Variants in FRMD4A observed in about 807,000 individuals in gnomAD.
FRMD4A encodes the protein FERM domain-containing protein 4A.
In FRMD4A, 29 loss-of-function variants were observed where a neutral mutation model predicts 129.1. The ratio of observed to expected loss-of-function variants is 0.22; its 90% CI spans 0.17 to 0.31. The LOEUF is 0.31. Ranked by LOEUF, FRMD4A falls within the 10% of genes least tolerant of loss-of-function variation. The pLI, the probability that FRMD4A is intolerant of heterozygous loss-of-function variation, is 1.00. For synonymous variants in FRMD4A, 634 were observed against 571.6 expected, an observed-to-expected ratio of 1.11 and a Z score of -1.56; for missense variants, 1,272 against 1,375.8, an observed-to-expected ratio of 0.92 and a Z score of 1.19.
At chr10:13,884,043 C>T (rs1413125770) in intron 2 of FRMD4A, among the ~76,000 whole-genome samples, 1 of 151,806 alleles carries the variant, frequency 6.6e-6, no homozygotes, top group Non-Finnish European at 1.5e-5. Flanking sequence ...ACTTCTCGAA[C>T]TACAAGGAAA....
At chr10:14,299,831 A>T (rs940806635) in intron 2 of FRMD4A, among the ~76,000 whole-genome samples, 1 of 152,170 alleles carries the variant, frequency 6.6e-6, no homozygotes, top group Non-Finnish European at 1.5e-5. Flanking sequence ...AGAATACAGT[A>T]TGTGTAGTTT....
At chr10:14,276,957 C>T (rs535267307) in intron 2 of FRMD4A, among the ~76,000 whole-genome samples, 96 of 152,244 alleles carry the variant, frequency 6.3e-4, no homozygotes, top group African/African-American at 2.0e-3. Flanking sequence ...CTCTGCCTCC[C>T]GGGTTCAAGC....
At chr10:13,767,029 C>G (rs371853659) in intron 6 of FRMD4A, among the ~76,000 whole-genome samples, 3 of 152,138 alleles carry the variant, frequency 2.0e-5, no homozygotes, top group African/African-American at 7.2e-5. Flanking sequence ...GCCGAGATAG[C>G]GCCACTGCAC....
At chr10:14,066,014 G>GTGTGTGTT (rs1835041647) in intron 2 of FRMD4A, among the ~76,000 whole-genome samples, 1 of 150,750 alleles carries the variant, frequency 6.6e-6, no homozygotes, top group East Asian at 2.0e-4. Flanking sequence ...GTATTTGTGT[G>GTGTGTGTT]TGTGTGTGTG....
intron 2 of FRMD4A, among the ~76,000 whole-genome samples, chr10:14,177,457 G>A (rs1841771114): frequency 6.6e-6 from 1 of 152,032 alleles, no homozygotes; most frequent in Non-Finnish European, 1.5e-5. Flanking sequence ...ATAGGTGTCA[G>A]CCACTGTGCC....
chr10:14,045,257 C>T (rs1472286491), intron 2 of FRMD4A, among the ~76,000 whole-genome samples: 1 of 152,152 alleles, frequency 6.6e-6, no homozygotes, highest in Non-Finnish European at 1.5e-5. Flanking sequence ...ACTGCTTGCT[C>T]CTCCTTCAGC....
rs112404830 is a variant in FRMD4A at position 13,660,053 on chromosome 10, C to G, written c.1898+263G>C. Reference sequence around the variant, plus strand: ...CTGCCTGAGATTTCCTAATTAATTCCTCTGGAATTTAACAGCATTCAAACC... The same window carrying G: ...CTGCCTGAGATTTCCTAATTAATTCGTCTGGAATTTAACAGCATTCAAACC... On this transcript the variant is annotated intron_variant, in intron 20 of 24. Transcript: ENST00000357447. Among the ~76,000 whole-genome samples the G allele has an allele frequency of 8.8e-4, 134 of 152,318 alleles. 2 individuals are homozygous for G. Among genetic ancestry groups the G allele is most frequent in the African/African-American group, 3.0e-3 (126 of 41,566 alleles).
At chr10:13,904,155 C>T (rs2094852981) in intron 2 of FRMD4A, among the ~76,000 whole-genome samples, 1 of 152,144 alleles carries the variant, frequency 6.6e-6, no homozygotes, top group Admixed American at 6.5e-5. Flanking sequence ...TGGCCTTTGT[C>T]CCCTTTTGCC....
At chr10:14,219,000 T>C (rs1189745328) in intron 2 of FRMD4A, among the ~76,000 whole-genome samples, 1 of 135,050 alleles carries the variant, frequency 7.4e-6, no homozygotes, top group African/African-American at 3.0e-5. Flanking sequence ...AAAAAAGATG[T>C]GTTTTAGCTA....
intron 2 of FRMD4A, among the ~76,000 whole-genome samples, chr10:14,246,450 CAT>C (rs1267600076): frequency 6.6e-6 from 1 of 152,070 alleles, no homozygotes; most frequent in Non-Finnish European, 1.5e-5. Flanking sequence ...CACAATCACA[CAT>C]ATATACAGGC....
At position 13,659,354 on chromosome 10, in the gene FRMD4A, C is replaced by G. The variant is rs2082440625; in HGVS notation, c.2035G>C (p.Val679Leu). The G allele has an allele frequency of 6.2e-7, 1 of 1,614,148 alleles. No individual in the cohort carries two copies. Among genetic ancestry groups the G allele is most frequent in the Middle Eastern group, 1.7e-4 (1 of 6,060 alleles). Residue 679 changes from valine (V) to leucine (L), a missense_variant, in exon 21 of 25, where the codon GTC becomes CTC. Val to Leu is a conservative substitution (Grantham distance 32, BLOSUM62 1). Around this residue, in one of 2 missense-constraint regions of FRMD4A, gnomAD observed 972 missense variants for 892.3 expected, o/e 1.09. Transcript: ENST00000357447. ...GAATGGACGTAGTGGGGACTCCGGA[C>G]CCGCAGGTCTGGCGTGGACGGCATG... is the stretch of plus-strand genomic sequence containing the variant. ...SSMPSTPDLR[V>L]RSPHYVHSTR...
chr10:13,928,334 T>G (rs1426893117), intron 2 of FRMD4A, among the ~76,000 whole-genome samples: 2 of 152,252 alleles, frequency 1.3e-5, no homozygotes, highest in East Asian at 1.9e-4. Context: ...GGATTTTTTT[T>G]TTTGTTTTAA....
chr10:14,214,217 G>A (rs1356032001), intron 2 of FRMD4A, among the ~76,000 whole-genome samples: 1 of 152,166 alleles, frequency 6.6e-6, no homozygotes, highest in Non-Finnish European at 1.5e-5. Flanking sequence ...GTGGTCCTCA[G>A]AGTCCTTGGA....
At chr10:13,664,274 T>C (rs2082848673) in intron 18 of FRMD4A, among the ~76,000 whole-genome samples, 1 of 152,324 alleles carries the variant, frequency 6.6e-6, no homozygotes, top group African/African-American at 2.4e-5. Flanking sequence ...CTAGTTCAAG[T>C]GGGTCCTTGG....
At chr10:13,734,431 C>A (rs2090504034) in intron 12 of FRMD4A, among the ~76,000 whole-genome samples, 1 of 152,210 alleles carries the variant, frequency 6.6e-6, no homozygotes, top group African/African-American at 2.4e-5. Flanking sequence ...AGCCTTCAAG[C>A]CTCCAGGAGC....
At chr10:13,736,454 C>T (rs916799301) in intron 12 of FRMD4A, among the ~76,000 whole-genome samples, 5 of 152,210 alleles carry the variant, frequency 3.3e-5, no homozygotes, top group African/African-American at 9.7e-5. Flanking sequence ...GCCAAAGAGC[C>T]AGGTTCTTCC....
At chr10:14,019,379 T>A (rs773781430) in intron 2 of FRMD4A, among the ~76,000 whole-genome samples, 2 of 152,106 alleles carry the variant, frequency 1.3e-5, no homozygotes, top group Non-Finnish European at 2.9e-5. Context: ...AGGAAAAACA[T>A]AAAGTTGTAA....
chr10:14,171,500 T>G (rs181002899), intron 2 of FRMD4A, among the ~76,000 whole-genome samples: 343 of 152,312 alleles, frequency 2.3e-3, no homozygotes, highest in African/African-American at 7.6e-3. Context: ...GTATGTCAAG[T>G]GTGGCCGCCC....
chr10:13,884,122 TCACACACACGCTCA>T, intron 2 of FRMD4A, among the ~76,000 whole-genome samples: 1 of 78,162 alleles, frequency 1.3e-5, no homozygotes, highest in African/African-American at 5.2e-5. Context: ...ACACACACAC[TCACACACACGCTCA>T]CACACACTCT....
Sources: allele counts gnomAD v4.1 joint callset (sites outside exome capture counted in the v4.1 genomes callset), GRCh38; gene constraint gnomAD v4.1.1; regional missense constraint gnomAD v4.1.1; transcripts MANE v1.5; gene names NCBI Gene and HGNC (gene_info 2026-07-23, HGNC 2026-07-21).